Variants in CFAP97 observed in about 807,000 individuals in gnomAD.
CFAP97 encodes the protein cilia and flagella associated protein 97, also known as cilia- and flagella-associated protein 97.
Under a neutral mutation model 43.1 loss-of-function variants are expected in CFAP97, and 36 were observed. The ratio of observed to expected loss-of-function variants is 0.84; its 90% CI spans 0.64 to 1.10. CFAP97 has a LOEUF of 1.10. Among genes scored for constraint, CFAP97 ranks in the 50% least tolerant of loss-of-function variants. The probability of loss-of-function intolerance (pLI) is 0.00; values close to 1 mark genes in which losing one functional copy is unlikely to be tolerated. For missense variants in CFAP97, 657 were observed against 620.3 expected (o/e 1.06, Z -0.63); for synonymous variants, 228 against 225.7 (o/e 1.01, Z -0.09).
intron 2 of CFAP97, among the ~76,000 whole-genome samples, chr4:185,178,767 C>T (rs1315028330): frequency 6.6e-6 from 1 of 152,130 alleles, no homozygotes; most frequent in African/African-American, 2.4e-5. Flanking sequence ...GGTGGACCAG[C>T]TTTGGGACCT....
chr4:185,172,385 A>G (rs531222295), intron 3 of CFAP97, among the ~76,000 whole-genome samples: 1 of 152,370 alleles, frequency 6.6e-6, no homozygotes, highest in African/African-American at 2.4e-5. Flanking sequence ...CACAGAAGTC[A>G]GTTTTATACA....
At chr4:185,194,383 G>A (rs905698020) in intron 1 of CFAP97, among the ~76,000 whole-genome samples, 1 of 152,170 alleles carries the variant, frequency 6.6e-6, no homozygotes, top group Non-Finnish European at 1.5e-5. Flanking sequence ...CAGCCACTAG[G>A]GAGGCTGAGG....
chr4:185,165,343 G>A (rs1735027019), intron 3 of CFAP97, among the ~76,000 whole-genome samples: 1 of 142,914 alleles, frequency 7.0e-6, no homozygotes. Context: ...AATTGGCCAA[G>A]GCAACACAGT....
intron 3 of CFAP97, among the ~76,000 whole-genome samples, chr4:185,172,531 T>G (rs1388707347): frequency 6.6e-6 from 1 of 152,226 alleles, no homozygotes; most frequent in East Asian, 1.9e-4. Context: ...TTATCATGTC[T>G]GTTAGCCAGC....
chr4:185,190,495 A>G lies in CFAP97; in HGVS notation c.702T>C (p.Pro234=), dbSNP rs1183660378. ...KSGIKSTETQ[P]SSTTPKCGHY... is the part of the protein sequence containing the mutation. ...GGCCACATTTTGGTGTAGTACTTGA[A>G]GGCTGTGTTTCTGTCGATTTTATTC... Residue 234 remains proline (P), a synonymous_variant, in exon 2 of 5, where the codon CCT becomes CCC. Coordinates refer to ENST00000458385, the MANE Select transcript of CFAP97 (RefSeq NM_020827.3). The G allele has an allele frequency of 1.2e-6, 2 of 1,613,932 alleles. No individual in the cohort carries two copies.
chr4:185,176,091 G>GT, intron 2 of CFAP97, 40 bp from the exon 3 acceptor site: 1 of 1,457,932 alleles, frequency 6.9e-7, no homozygotes, highest in Non-Finnish European at 9.2e-7. Context: ...AATGGCCAAA[G>GT]TAAGTATGTG....
intron 2 of CFAP97, among the ~76,000 whole-genome samples, chr4:185,176,447 T>C (rs567079200): frequency 1.3e-5 from 2 of 152,080 alleles, no homozygotes; most frequent in African/African-American, 2.4e-5. Context: ...AAAATATGTA[T>C]TAAATTCAAG....
intron 2 of CFAP97, among the ~76,000 whole-genome samples, chr4:185,177,752 T>G (rs1216731301): frequency 6.6e-6 from 1 of 152,070 alleles, no homozygotes; most frequent in Admixed American, 6.5e-5. Flanking sequence ...GGAGAATCGC[T>G]TGAACCCAGC....
intron 2 of CFAP97, among the ~76,000 whole-genome samples, chr4:185,180,295 T>C (rs2111356601): frequency 6.6e-6 from 1 of 152,246 alleles, no homozygotes; most frequent in South Asian, 2.1e-4. Flanking sequence ...TTTACCACGT[T>C]AACCATTTTT....
Sources: gnomAD v4.1 joint callset for allele counts (sites outside exome capture counted in the v4.1 genomes callset) on GRCh38, gnomAD v4.1.1 for gene constraint, MANE v1.5 for transcripts, NCBI Gene and HGNC (gene_info 2026-07-23, HGNC 2026-07-21) for gene names.